Variants in TBX20 observed in about 807,000 individuals in gnomAD.
The protein encoded by TBX20 is T-box transcription factor 20, also known as T-box transcription factor TBX20.
A neutral mutation model predicts 42.9 loss-of-function variants in TBX20; 8 were observed. The ratio of observed to expected loss-of-function variants is 0.19; its 90% CI spans 0.11 to 0.34. The LOEUF (loss-of-function observed/expected upper bound fraction) is 0.34. TBX20 is among the 10% of genes least tolerant of loss of function. TBX20 has a pLI of 1.00. For missense variants in TBX20, 411 were observed against 566.0 expected, an observed-to-expected ratio of 0.73 and a Z score of 2.78; for synonymous variants, 198 against 222.8, an observed-to-expected ratio of 0.89 and a Z score of 0.99.
At chr7:35,218,548 C>G (rs1327182033) in intron 6 of TBX20, among the ~76,000 whole-genome samples, 9 of 152,032 alleles carry the variant, frequency 5.9e-5, no homozygotes, top group African/African-American at 2.2e-4. Flanking sequence ...TACCAGGGTA[C>G]ACTTTAGTAT....
chr7:35,229,269 G>C (rs1279363443), intron 6 of TBX20, among the ~76,000 whole-genome samples: 1 of 152,068 alleles, frequency 6.6e-6, no homozygotes, highest in Non-Finnish European at 1.5e-5. Context: ...ATATTGTTAA[G>C]GATAGGGCTG....
chr7:35,224,023 G>C (rs995649581), intron 6 of TBX20, among the ~76,000 whole-genome samples: 4 of 152,140 alleles, frequency 2.6e-5, no homozygotes, highest in Admixed American at 1.3e-4. Flanking sequence ...AGTAGAACTT[G>C]AGACAAAAAC....
At chr7:35,248,598 G>C in intron 3 of TBX20, 79 bp downstream of exon 3, 1 of 1,510,756 alleles carries the variant, frequency 6.6e-7, no homozygotes, top group Non-Finnish European at 9.2e-7. Flanking sequence ...AAATACACTT[G>C]CTTAAAATTC....
chr7:35,222,024 G>C (rs1474288695), intron 6 of TBX20, among the ~76,000 whole-genome samples: 4 of 152,036 alleles, frequency 2.6e-5, no homozygotes, highest in Admixed American at 1.3e-4. Flanking sequence ...AAAAAATTGA[G>C]AAATATCAAT....
At chr7:35,243,349 G>A (rs1476452555) in intron 4 of TBX20, among the ~76,000 whole-genome samples, 3 of 152,068 alleles carry the variant, frequency 2.0e-5, no homozygotes, top group Non-Finnish European at 4.4e-5. Context: ...GTTTTTTAAG[G>A]TATAATCTTG....
intron 6 of TBX20, among the ~76,000 whole-genome samples, chr7:35,222,151 T>G (rs1353150849): frequency 1.3e-5 from 2 of 152,170 alleles, no homozygotes; most frequent in Non-Finnish European, 2.9e-5. Context: ...GGTTCAGCTA[T>G]CACAAATCAT....
rs1163857113 is a variant in TBX20, at chr7:35,221,310, A to C, written c.890+10194T>G. Among the ~76,000 whole-genome samples the C allele has an allele frequency of 3.3e-5, 5 of 150,226 alleles. No homozygotes were observed. The East Asian group carries it at 9.6e-4, about 29-fold the overall frequency. ...TTCGGTCTGGCAAAAAAAAAAAAAA[A>C]CAAATATCAAAAGAAAAAGAAAGGA... On this transcript the variant is annotated intron_variant, in intron 6 of 7. Transcript: ENST00000408931.
intron 6 of TBX20, among the ~76,000 whole-genome samples, chr7:35,217,845 C>T (rs1388141218): frequency 6.6e-6 from 1 of 152,076 alleles, no homozygotes; most frequent in East Asian, 1.9e-4. Context: ...CTCAGCCTCC[C>T]GAGTAGCTGG....
chr7:35,252,674 A>G (rs145891690), intron 1 of TBX20, among the ~76,000 whole-genome samples: 6 of 152,316 alleles, frequency 3.9e-5, no homozygotes, highest in East Asian at 1.9e-4. Context: ...CTGTGTAACA[A>G]TTATTTCCTG....
At chr7:35,215,954 G>A (rs1789582039) in intron 6 of TBX20, among the ~76,000 whole-genome samples, 1 of 152,138 alleles carries the variant, frequency 6.6e-6, no homozygotes, top group African/African-American at 2.4e-5. Flanking sequence ...AAACTAAAGT[G>A]CAAATTTCTC....
chr7:35,225,965 T>A (rs1016120040), intron 6 of TBX20, among the ~76,000 whole-genome samples: 2 of 152,262 alleles, frequency 1.3e-5, no homozygotes, highest in Admixed American at 1.3e-4. Context: ...TAAGAACTAG[T>A]ATGCATAAGA....
At chr7:35,203,615 T>G (rs922506014) in intron 7 of TBX20, among the ~76,000 whole-genome samples, 3 of 152,272 alleles carry the variant, frequency 2.0e-5, no homozygotes, top group Admixed American at 2.0e-4. Flanking sequence ...TGACTGTTTA[T>G]GTTACAGGTA....
intron 6 of TBX20, among the ~76,000 whole-genome samples, chr7:35,215,939 CT>C (rs1219529837): frequency 1.3e-5 from 2 of 152,186 alleles, no homozygotes; most frequent in African/African-American, 4.8e-5. Context: ...CTTCCTCTAG[CT>C]TTGAAACTAA....
chr7:35,250,264 A>G, intron 1 of TBX20, 61 bp from the exon 2 acceptor site: 17 of 1,490,666 alleles, frequency 1.1e-5, no homozygotes, highest in Non-Finnish European at 1.4e-5. Context: ...AGATCTGGAA[A>G]GAACAGCATA....
intron 1 of TBX20, 107 bp downstream of exon 1, chr7:35,253,387 C>G (rs543932450): frequency 7.4e-7 from 1 of 1,357,430 alleles, no homozygotes; most frequent in Admixed American, 2.0e-5. Context: ...CGATGTATGG[C>G]TCATGGCTTG....
At chr7:35,232,161 T>A (rs1403045784) in intron 5 of TBX20, among the ~76,000 whole-genome samples, 1 of 152,242 alleles carries the variant, frequency 6.6e-6, no homozygotes, top group African/African-American at 2.4e-5. Flanking sequence ...TCCCTTTCCA[T>A]TTGACTAAAT....
chr7:35,236,330 T>C (rs965017245), intron 5 of TBX20, among the ~76,000 whole-genome samples: 7 of 151,686 alleles, frequency 4.6e-5, no homozygotes, highest in African/African-American at 1.7e-4. Context: ...GTTCTTTGTA[T>C]GTGAAAAAAT....
chr7:35,235,413 T>C (rs193032897), intron 5 of TBX20, among the ~76,000 whole-genome samples: 2 of 152,124 alleles, frequency 1.3e-5, no homozygotes, highest in African/African-American at 4.8e-5. Context: ...TGTAATGTTG[T>C]TGAACAAATC....
chr7:35,233,412 T>C (rs1490475861), intron 5 of TBX20, among the ~76,000 whole-genome samples: 5 of 152,226 alleles, frequency 3.3e-5, no homozygotes, highest in African/African-American at 9.6e-5. Flanking sequence ...GCTATGAGCA[T>C]TGGTAAACAG....
Sources: gnomAD v4.1 joint callset for allele counts (sites outside exome capture counted in the v4.1 genomes callset) on GRCh38, gnomAD v4.1.1 for gene constraint, MANE v1.5 for transcripts, NCBI Gene and HGNC (gene_info 2026-07-23, HGNC 2026-07-21) for gene names.